PLXDC1: variants seen among roughly 807,000 people sequenced by gnomAD.
The protein encoded by PLXDC1 is plexin domain-containing protein 1.
PLXDC1 carries 39 observed loss-of-function variants against 61.3 expected under a neutral mutation model. That is an observed-to-expected ratio of 0.64 (90% CI 0.49 to 0.83). The LOEUF (loss-of-function observed/expected upper bound fraction) is 0.83, where lower values mean the gene tolerates loss of function less well. PLXDC1 is among the 40% of genes least tolerant of loss of function. The probability of loss-of-function intolerance (pLI) is 0.00; values close to 1 mark genes in which losing one functional copy is unlikely to be tolerated. For synonymous variants in PLXDC1, 212 were observed against 254.5 expected, an observed-to-expected ratio of 0.83 and a Z score of 1.59; for missense variants, 596 against 666.5, an observed-to-expected ratio of 0.89 and a Z score of 1.17.
chr17:39,079,373 A>G, intron 9 of PLXDC1: 1 of 605,544 alleles, frequency 1.7e-6, no homozygotes, highest in Non-Finnish European at 3.1e-6. Flanking sequence ...GCTCCCCAGG[A>G]CCAAGGCCAC....
At chr17:39,108,705 C>T in intron 4 of PLXDC1, 199 bp downstream of exon 4, 1 of 602,126 alleles carries the variant, frequency 1.7e-6, no homozygotes, top group Non-Finnish European at 3.0e-6. Flanking sequence ...CGTGCAGGCA[C>T]ATGAGCAGGT....
At chr17:39,147,336 G>A (rs547281723) in intron 1 of PLXDC1, among the ~76,000 whole-genome samples, 12 of 152,250 alleles carry the variant, frequency 7.9e-5, no homozygotes, top group African/African-American at 2.9e-4. Flanking sequence ...CCACACGTTG[G>A]CCACCCCACC....
chr17:39,134,816 C>T (rs912395719), intron 2 of PLXDC1, among the ~76,000 whole-genome samples: 12 of 152,034 alleles, frequency 7.9e-5, no homozygotes, highest in African/African-American at 2.9e-4. Flanking sequence ...TGGGAAACCA[C>T]TTGAAAGGGG....
At chr17:39,106,017 C>A in intron 6 of PLXDC1, 64 bp from the exon 7 acceptor site, 1 of 1,087,130 alleles carries the variant, frequency 9.2e-7, no homozygotes, top group Non-Finnish European at 1.4e-6. Flanking sequence ...CAGCCCTCCC[C>A]TGTGAGCTCC....
intron 1 of PLXDC1, among the ~76,000 whole-genome samples, chr17:39,140,240 T>A (rs1911891483): frequency 6.6e-6 from 1 of 152,234 alleles, no homozygotes; most frequent in Admixed American, 6.5e-5. Flanking sequence ...AAGTTCCTGA[T>A]GTCTGGGTCC....
chr17:39,097,734 A>G (rs1030190453), intron 7 of PLXDC1, among the ~76,000 whole-genome samples: 27 of 150,526 alleles, frequency 1.8e-4, no homozygotes, highest in African/African-American at 6.6e-4. Flanking sequence ...ATAAATAAAT[A>G]AATAAATAAA....
chr17:39,069,128 A>G (rs943179642), intron 13 of PLXDC1, among the ~76,000 whole-genome samples: 1 of 152,220 alleles, frequency 6.6e-6, no homozygotes, highest in East Asian at 1.9e-4. Context: ...TATTTTAGAG[A>G]TGGGGTCTCC....
intron 7 of PLXDC1, among the ~76,000 whole-genome samples, chr17:39,099,729 C>A (rs983378235): frequency 1.3e-5 from 2 of 152,140 alleles, no homozygotes; most frequent in African/African-American, 4.8e-5. Flanking sequence ...CATTTGTGTC[C>A]TCATTTAGAA....
chr17:39,127,730 C>T (rs577553161), intron 2 of PLXDC1, among the ~76,000 whole-genome samples: 72 of 151,720 alleles, frequency 4.7e-4, no homozygotes, highest in African/African-American at 1.7e-3. Flanking sequence ...CCGAGGCGGG[C>T]GGATCACGAG....
chr17:39,137,809 G>A (rs1006384718), intron 2 of PLXDC1, among the ~76,000 whole-genome samples: 1 of 151,948 alleles, frequency 6.6e-6, no homozygotes, highest in Non-Finnish European at 1.5e-5. Flanking sequence ...GAACAGAAAG[G>A]GAGGCCCCAG....
At chr17:39,138,405 T>C (rs1163828109) in intron 2 of PLXDC1, among the ~76,000 whole-genome samples, 2 of 152,144 alleles carry the variant, frequency 1.3e-5, no homozygotes. Context: ...AAGTGAACAC[T>C]ATGTACATGA....
intron 2 of PLXDC1, among the ~76,000 whole-genome samples, chr17:39,118,691 A>G (rs924548598): frequency 1.3e-5 from 2 of 152,194 alleles, no homozygotes; most frequent in African/African-American, 4.8e-5. Flanking sequence ...CACCCATCAC[A>G]GTCTCCTACA....
intron 8 of PLXDC1, among the ~76,000 whole-genome samples, chr17:39,084,803 C>T (rs564807051): frequency 6.6e-6 from 1 of 152,294 alleles, no homozygotes; most frequent in South Asian, 2.1e-4. Context: ...TGGCACAGGC[C>T]AGGCACAGGA....
intron 2 of PLXDC1, among the ~76,000 whole-genome samples, chr17:39,132,466 C>T (rs1000421442): frequency 6.6e-6 from 1 of 152,162 alleles, no homozygotes; most frequent in East Asian, 1.9e-4. Flanking sequence ...GACAAGAGTC[C>T]TGTTTCCACT....
At chr17:39,144,478 C>T (rs1912031906) in intron 1 of PLXDC1, among the ~76,000 whole-genome samples, 1 of 152,230 alleles carries the variant, frequency 6.6e-6, no homozygotes, top group South Asian at 2.1e-4. Context: ...CATACTACAT[C>T]TGTTTCCTGG....
At chr17:39,105,538 G>A (rs971095150) in intron 7 of PLXDC1, among the ~76,000 whole-genome samples, 1 of 152,094 alleles carries the variant, frequency 6.6e-6, no homozygotes, top group Non-Finnish European at 1.5e-5. Flanking sequence ...TGTATTCTGG[G>A]AGGACTCAAA....
At chr17:39,100,696 T>C (rs1418446380) in intron 7 of PLXDC1, among the ~76,000 whole-genome samples, 1 of 152,278 alleles carries the variant, frequency 6.6e-6, no homozygotes. Context: ...CAATTTGTTA[T>C]ACAGCTGTAG....
At chr17:39,114,238 G>T (rs948041899) in intron 2 of PLXDC1, among the ~76,000 whole-genome samples, 2 of 152,122 alleles carry the variant, frequency 1.3e-5, no homozygotes, top group Non-Finnish European at 2.9e-5. Flanking sequence ...CCCCACGTGT[G>T]GTGGTCTGGC....
chr17:39,100,800 A>G lies in PLXDC1; in HGVS notation c.811+5054T>C, dbSNP rs190358137. 3.6e-3 allele frequency among the ~76,000 whole-genome samples: 545 copies of G among 152,370 alleles called. 3 individuals carry two copies. The highest frequency in any genetic ancestry group is 0.012 in the African/African-American group (501 of 41,588). On this transcript the variant is annotated intron_variant, in intron 7 of 13. Coordinates refer to ENST00000315392, the MANE Select transcript of PLXDC1 (RefSeq NM_020405.5). The stretch of plus-strand genomic sequence containing the variant: ...GTCAGAGCAGATGCTGCCTGCAGCC[A>G]TGGAGCCAGGTCCTGGAGCCCAGGC...
Sources: gnomAD v4.1 joint callset for allele counts (sites outside exome capture counted in the v4.1 genomes callset) on GRCh38, gnomAD v4.1.1 for gene constraint, MANE v1.5 for transcripts, NCBI Gene and HGNC (gene_info 2026-07-23, HGNC 2026-07-21) for gene names.